Variants in FOXP1 observed in about 807,000 individuals in gnomAD.
FOXP1 encodes forkhead box P1, also known as forkhead box protein P1.
FOXP1 carries 15 observed loss-of-function variants against 98.2 expected under a neutral mutation model. The observed-to-expected ratio is 0.15, with a 90% CI of 0.10 to 0.24. The LOEUF is 0.24. Ranked by LOEUF, FOXP1 falls within the 10% of genes least tolerant of loss-of-function variation. The pLI, the probability that FOXP1 is intolerant of heterozygous loss-of-function variation, is 1.00. For missense variants in FOXP1, 633 were observed against 848.5 expected (o/e 0.75, Z 3.15); for synonymous variants, 371 against 314.5 (o/e 1.18, Z -1.90).
chr3:71,149,096 C>G (rs1483303149), intron 6 of FOXP1, among the ~76,000 whole-genome samples: 1 of 152,128 alleles, frequency 6.6e-6, no homozygotes, highest in Non-Finnish European at 1.5e-5. Context: ...GTGTCAGGCG[C>G]TGAAGACAAA....
intron 13 of FOXP1, among the ~76,000 whole-genome samples, chr3:70,992,605 T>TA (rs1023078392): frequency 6.6e-6 from 1 of 152,174 alleles, no homozygotes; most frequent in African/African-American, 2.4e-5. Flanking sequence ...TGGTGGGCAA[T>TA]ATATGGCTCA....
At chr3:71,378,870 T>C (rs954799442) in intron 3 of FOXP1, among the ~76,000 whole-genome samples, 9 of 152,272 alleles carry the variant, frequency 5.9e-5, no homozygotes, top group Admixed American at 5.2e-4. Context: ...TCTGTAGTTT[T>C]AGGCATTCAC....
intron 4 of FOXP1, among the ~76,000 whole-genome samples, chr3:71,330,709 C>G (rs1470744352): frequency 1.3e-5 from 2 of 152,090 alleles, no homozygotes; most frequent in African/African-American, 4.8e-5. Flanking sequence ...TATTATGCAG[C>G]CATTAAAAAT....
At chr3:71,096,105 T>C (rs1386325214) in intron 7 of FOXP1, among the ~76,000 whole-genome samples, 1 of 152,192 alleles carries the variant, frequency 6.6e-6, no homozygotes, top group African/African-American at 2.4e-5. Flanking sequence ...TTTCCCAATA[T>C]CTTCTGATGA....
chr3:71,308,808 G>GTGTGTGTGTGTGT (rs2074485849), intron 4 of FOXP1, among the ~76,000 whole-genome samples: 1 of 128,590 alleles, frequency 7.8e-6, no homozygotes, highest in African/African-American at 3.2e-5. Flanking sequence ...TGTGTGTGTG[G>GTGTGTGTGTGTGT]GTGAGGGGGG....
At chr3:71,541,668 A>G (rs1167828555) in intron 2 of FOXP1, among the ~76,000 whole-genome samples, 1 of 152,134 alleles carries the variant, frequency 6.6e-6, no homozygotes, top group Non-Finnish European at 1.5e-5. Flanking sequence ...ATTTCACCAG[A>G]ATTTACTCCG....
At position 71,581,606 on chromosome 3, in the gene FOXP1, G is replaced by A. The variant is rs1273078255; in HGVS notation, c.-355C>T. On this transcript the variant is annotated 5_prime_UTR_variant, in exon 2 of 21. Transcript: ENST00000649528. The stretch of plus-strand genomic sequence containing the variant: ...CCTTCACGCCCGCGGAGGAGGCGCC[G>A]GCAGCACCATGGTCCCCGGCGCCGC... The A allele has an allele frequency of 1.1e-4, 111 of 985,522 alleles. No homozygotes were observed. Among genetic ancestry groups the A allele is most frequent in the Non-Finnish European group, 1.3e-4 (110 of 830,006 alleles). 61.0% of individuals were successfully genotyped at this position (985,522 alleles called of 1,614,324 possible). A position where few individuals can be genotyped will look rare whatever the true frequency, so the allele number is the denominator to read the frequency against.
At chr3:70,984,456 G>A (rs73118203) in intron 14 of FOXP1, among the ~76,000 whole-genome samples, 1 of 152,160 alleles carries the variant, frequency 6.6e-6, no homozygotes, top group Non-Finnish European at 1.5e-5. Flanking sequence ...TACAGGTAGT[G>A]CAATTCACGG....
At chr3:71,582,860 A>G (rs2048297449) in intron 1 of FOXP1, 3 of 955,456 alleles carry the variant, frequency 3.1e-6, no homozygotes, top group Non-Finnish European at 3.7e-6. Context: ...TCTCGGGGTA[A>G]CGCGCGCGTG....
intron 4 of FOXP1, among the ~76,000 whole-genome samples, chr3:71,341,210 A>G (rs1402691184): frequency 6.6e-6 from 1 of 152,204 alleles, no homozygotes; most frequent in Non-Finnish European, 1.5e-5. Flanking sequence ...TCCAGGATAT[A>G]CCATATTCTG....
At chr3:70,969,371 T>G (rs1263312364) in intron 19 of FOXP1, 1 of 152,192 alleles carries the variant, frequency 6.6e-6, no homozygotes, top group East Asian at 1.9e-4. Context: ...TAAATCTGGT[T>G]CAGGCTAAAA....
chr3:71,404,209 C>A (rs2082154419), intron 3 of FOXP1, among the ~76,000 whole-genome samples: 2 of 146,170 alleles, frequency 1.4e-5, no homozygotes, highest in South Asian at 2.2e-4. Context: ...CTCACCGCAA[C>A]CTCCGCCTCC....
intron 6 of FOXP1, among the ~76,000 whole-genome samples, chr3:71,190,503 A>G (rs1274938535): frequency 6.6e-6 from 1 of 151,808 alleles, no homozygotes; most frequent in Non-Finnish European, 1.5e-5. Context: ...CTGCCGTCCC[A>G]GCAACTCAGA....
intron 3 of FOXP1, among the ~76,000 whole-genome samples, chr3:71,367,151 T>C (rs1415841621): frequency 6.6e-6 from 1 of 152,202 alleles, no homozygotes; most frequent in Non-Finnish European, 1.5e-5. Flanking sequence ...AAGCTCCTGA[T>C]TGACAAGCAA....
At chr3:71,010,750 A>G (rs1324321266) in intron 12 of FOXP1, among the ~76,000 whole-genome samples, 1 of 152,128 alleles carries the variant, frequency 6.6e-6, no homozygotes, top group Non-Finnish European at 1.5e-5. Context: ...CACTGAAGCA[A>G]ATGAAGATGC....
intron 3 of FOXP1, among the ~76,000 whole-genome samples, chr3:71,474,974 T>G (rs1035850482): frequency 6.6e-6 from 1 of 152,012 alleles, no homozygotes; most frequent in Non-Finnish European, 1.5e-5. Context: ...CACTGAAGCC[T>G]TCCTCATGGA....
At chr3:71,064,073 C>T (rs1042729766) in intron 7 of FOXP1, among the ~76,000 whole-genome samples, 1 of 152,142 alleles carries the variant, frequency 6.6e-6, no homozygotes, top group African/African-American at 2.4e-5. Context: ...CGTCCAAACC[C>T]AAACCCCGCT....
At chr3:71,382,136 A>C (rs2080226085) in intron 3 of FOXP1, among the ~76,000 whole-genome samples, 1 of 152,024 alleles carries the variant, frequency 6.6e-6, no homozygotes, top group South Asian at 2.1e-4. Flanking sequence ...TTGGCTGGGC[A>C]TGGTGGTGCA....
At chr3:71,309,735 T>C (rs575934198) in intron 4 of FOXP1, among the ~76,000 whole-genome samples, 59 of 152,276 alleles carry the variant, frequency 3.9e-4, no homozygotes, top group Admixed American at 9.8e-4. Flanking sequence ...TTTTCCCCAC[T>C]TCAATGATTT....
Sources: gnomAD v4.1 joint callset for allele counts (sites outside exome capture counted in the v4.1 genomes callset) on GRCh38, gnomAD v4.1.1 for gene constraint, MANE v1.5 for transcripts, NCBI Gene and HGNC (gene_info 2026-07-23, HGNC 2026-07-21) for gene names.